The following WWP1 variants were observed in gnomAD, a reference collection of about 807,000 sequenced individuals.
The protein encoded by WWP1 is NEDD4-like E3 ubiquitin-protein ligase WWP1.
In WWP1, 49 loss-of-function variants were observed where a neutral mutation model predicts 130.6. The observed-to-expected ratio is 0.38, with a 90% CI of 0.30 to 0.48. The LOEUF (loss-of-function observed/expected upper bound fraction) is 0.48, where lower values mean the gene tolerates loss of function less well. WWP1 is among the 20% of genes least tolerant of loss of function. WWP1 has a pLI of 0.99. For missense variants in WWP1, 809 were observed against 1,100.6 expected (o/e 0.74, Z 3.75); for synonymous variants, 332 against 367.8 (o/e 0.90, Z 1.11).
intron 5 of WWP1, among the ~76,000 whole-genome samples, chr8:86,397,060 C>G (rs554432000): frequency 1.2e-4 from 18 of 152,248 alleles, no homozygotes; most frequent in Middle Eastern, 6.8e-3. Context: ...ATTAGTAGTT[C>G]TAGATTTTTG....
chr8:86,445,661 G>T (rs1810821608), intron 18 of WWP1, among the ~76,000 whole-genome samples: 1 of 152,190 alleles, frequency 6.6e-6, no homozygotes, highest in Non-Finnish European at 1.5e-5. Flanking sequence ...TTTTCCTCTG[G>T]ATATCTATAC....
chr8:86,425,672 T>G (rs929490411), intron 10 of WWP1, among the ~76,000 whole-genome samples: 1 of 152,174 alleles, frequency 6.6e-6, no homozygotes, highest in Non-Finnish European at 1.5e-5. Context: ...TTTAATGACT[T>G]AAATATTAAA....
chr8:86,399,840 A>G (rs1323596489), intron 7 of WWP1, among the ~76,000 whole-genome samples: 1 of 152,158 alleles, frequency 6.6e-6, no homozygotes, highest in African/African-American at 2.4e-5. Flanking sequence ...ACAAATCACA[A>G]TCATTTCAGT....
rs114121983 is a variant in WWP1 at position 86,368,652 on chromosome 8, A to G, written c.-114-287A>G. 3.6e-3 allele frequency among the ~76,000 whole-genome samples: 546 copies of G among 152,242 alleles called. 2 individuals are homozygous for G. The highest frequency in any genetic ancestry group is 0.012 in the African/African-American group (519 of 41,554). Reference sequence around the variant, plus strand: ...AATATAAACTATTCCATAGGATCCTATGCAGTTTAGACCCTCTCTGTTTGC... The same window carrying G: ...AATATAAACTATTCCATAGGATCCTGTGCAGTTTAGACCCTCTCTGTTTGC... On this transcript the variant is annotated intron_variant, in intron 1 of 24. Transcript: ENST00000517970.
intron 1 of WWP1, among the ~76,000 whole-genome samples, chr8:86,367,739 A>G (rs1315263906): frequency 1.3e-5 from 2 of 152,170 alleles, no homozygotes; most frequent in Non-Finnish European, 2.9e-5. Flanking sequence ...AATTGATCAT[A>G]TAGTTTTTCT....
chr8:86,369,114 C>G (rs1824140078), intron 2 of WWP1, 83 bp downstream of exon 2: 1 of 151,986 alleles, frequency 6.6e-6, no homozygotes, highest in Non-Finnish European at 1.5e-5. Flanking sequence ...TTATGTAGAC[C>G]TAGTAATACG....
chr8:86,381,195 A>G (rs1824967638), intron 4 of WWP1, among the ~76,000 whole-genome samples: 1 of 152,344 alleles, frequency 6.6e-6, no homozygotes, highest in Admixed American at 6.5e-5. Flanking sequence ...GTATCATGTA[A>G]GTCTTTAGAC....
intron 9 of WWP1, among the ~76,000 whole-genome samples, chr8:86,413,581 T>G (rs564460016): frequency 6.6e-6 from 1 of 152,266 alleles, no homozygotes; most frequent in East Asian, 1.9e-4. Context: ...GAGGAGGAGT[T>G]AGCAAATAGT....
At chr8:86,436,951 AT>A (rs34999529) in intron 16 of WWP1, among the ~76,000 whole-genome samples, 2,872 of 149,130 alleles carry the variant, frequency 0.019, 88 homozygotes, top group African/African-American at 0.066. Context: ...TATCAAGTTG[AT>A]TTTTTTTTTT....
chr8:86,459,159 C>T (rs951345792), intron 22 of WWP1, among the ~76,000 whole-genome samples: 1 of 151,048 alleles, frequency 6.6e-6, no homozygotes, highest in African/African-American at 2.4e-5. Flanking sequence ...CACCCCCACT[C>T]CAAGTAGTTG....
At chr8:86,462,888 A>G (rs1341114980) in intron 24 of WWP1, among the ~76,000 whole-genome samples, 2 of 152,286 alleles carry the variant, frequency 1.3e-5, no homozygotes, top group Non-Finnish European at 2.9e-5. Context: ...AGAAAAAAAA[A>G]AAAAAGAAAA....
intron 1 of WWP1, among the ~76,000 whole-genome samples, chr8:86,347,784 A>T (rs1300452802): frequency 6.6e-6 from 1 of 152,192 alleles, no homozygotes; most frequent in Non-Finnish European, 1.5e-5. Flanking sequence ...CTTTTATAAA[A>T]GCTTAGTCTT....
intron 9 of WWP1, among the ~76,000 whole-genome samples, chr8:86,421,349 T>C (rs1809189680): frequency 6.6e-6 from 1 of 152,222 alleles, no homozygotes; most frequent in Non-Finnish European, 1.5e-5. Flanking sequence ...AAACAATTTT[T>C]TAAATTTTTT....
At chr8:86,357,544 A>G (rs1823331179) in intron 1 of WWP1, among the ~76,000 whole-genome samples, 1 of 152,230 alleles carries the variant, frequency 6.6e-6, no homozygotes, top group Non-Finnish European at 1.5e-5. Context: ...GCAAATATGT[A>G]TTAAACACTT....
chr8:86,442,610 T>C lies in WWP1; in HGVS notation c.1839-9T>C. The C allele has an allele frequency of 6.3e-7, 1 of 1,582,300 alleles. No homozygotes were observed. The highest frequency in any genetic ancestry group is 8.6e-7 in the Non-Finnish European group (1 of 1,167,236). On this transcript the variant is annotated splice_polypyrimidine_tract_variant and intron_variant, in intron 17 of 24. Transcript: ENST00000517970. Reference sequence around the variant, plus strand: ...TGCTAAAAAATAACCTTGACTTATTTTCTTATAGAGAATGGTTTTTCTTGC... The same window carrying C: ...TGCTAAAAAATAACCTTGACTTATTCTCTTATAGAGAATGGTTTTTCTTGC...
chr8:86,415,843 G>A (rs1808860865), intron 9 of WWP1, among the ~76,000 whole-genome samples: 1 of 152,100 alleles, frequency 6.6e-6, no homozygotes, highest in South Asian at 2.1e-4. Context: ...ATTATCTGTT[G>A]TCTCTCCACT....
chr8:86,387,983 T>C (rs1825385128), intron 5 of WWP1, among the ~76,000 whole-genome samples: 1 of 152,250 alleles, frequency 6.6e-6, no homozygotes, highest in East Asian at 1.9e-4. Flanking sequence ...TCATCATGTA[T>C]GGCAGTTGAG....
At chr8:86,435,598 C>T in intron 15 of WWP1, 35 bp from the exon 16 acceptor site, 2 of 1,611,404 alleles carry the variant, frequency 1.2e-6, no homozygotes, top group Non-Finnish European at 1.7e-6. Context: ...TATACTATAA[C>T]TCAGATGATA....
rs371337413 is a variant in WWP1, at chr8:86,355,703, TA to T, written c.-115+12774del. 1.6e-4 allele frequency among the ~76,000 whole-genome samples: 24 copies of T among 152,300 alleles called. No individual in the cohort carries two copies. In the East Asian group the frequency reaches 4.1e-3, roughly 26 times the overall value. On this transcript the variant is annotated intron_variant, in intron 1 of 24. Coordinates refer to ENST00000517970, the MANE Select transcript of WWP1 (RefSeq NM_007013.4). ...TTATGTGCTTATACTTTTACACACT[TA>T]TCTTTTTACGATTAATTGTTCTTTC...
Sources: allele counts gnomAD v4.1 joint callset (sites outside exome capture counted in the v4.1 genomes callset), GRCh38; gene constraint gnomAD v4.1.1; transcripts MANE v1.5; gene names NCBI Gene and HGNC (gene_info 2026-07-23, HGNC 2026-07-21).